Variants in ERC1 observed in about 807,000 individuals in gnomAD.
The protein encoded by ERC1 is ELKS/RAB6-interacting/CAST family member 1.
A neutral mutation model predicts 132.0 loss-of-function variants in ERC1; 56 were observed. That is an observed-to-expected ratio of 0.42 (90% CI 0.34 to 0.53). The LOEUF is 0.53. Ranked by LOEUF, ERC1 falls within the 20% of genes least tolerant of loss-of-function variation. ERC1 has a pLI of 0.03. For synonymous variants in ERC1, 478 were observed against 476.1 expected (o/e 1.00, Z -0.05); for missense variants, 1,202 against 1,349.9 (o/e 0.89, Z 1.72).
At chr12:1,167,003 G>A (rs1275128557) in intron 8 of ERC1, among the ~76,000 whole-genome samples, 1 of 152,192 alleles carries the variant, frequency 6.6e-6, no homozygotes, top group African/African-American at 2.4e-5. Flanking sequence ...TTGAGGATCT[G>A]TGCTTATCTG....
intron 3 of ERC1, among the ~76,000 whole-genome samples, chr12:1,101,135 A>T (rs1471064709): frequency 1.3e-5 from 2 of 152,128 alleles, no homozygotes; most frequent in Non-Finnish European, 2.9e-5. Context: ...TGATTATTTG[A>T]TTAAACTCTA....
chr12:1,277,972 T>C (rs541342806), intron 14 of ERC1, among the ~76,000 whole-genome samples: 2 of 152,352 alleles, frequency 1.3e-5, no homozygotes, highest in East Asian at 3.9e-4. Flanking sequence ...TAGGTTTCAC[T>C]GTAGACTCTC....
chr12:1,458,597 C>T (rs1308826419), intron 18 of ERC1, among the ~76,000 whole-genome samples: 6 of 150,472 alleles, frequency 4.0e-5, no homozygotes, highest in Admixed American at 1.3e-4. Flanking sequence ...TGCAATGGCA[C>T]GATCTTGGCT....
intron 1 of ERC1, among the ~76,000 whole-genome samples, chr12:999,130 G>A (rs1006393623): frequency 6.6e-6 from 1 of 152,132 alleles, no homozygotes; most frequent in African/African-American, 2.4e-5. Context: ...AAAGTGTTGG[G>A]ATTATAGGCG....
intron 1 of ERC1, chr12:998,353 T>C (rs1961387411): frequency 6.6e-6 from 1 of 152,212 alleles, no homozygotes; most frequent in Non-Finnish European, 1.5e-5. Context: ...TGGGTGCAGT[T>C]GGCACCTATG....
At chr12:995,517 T>C (rs958340358) in intron 1 of ERC1, among the ~76,000 whole-genome samples, 1 of 152,196 alleles carries the variant, frequency 6.6e-6, no homozygotes, top group Non-Finnish European at 1.5e-5. Context: ...TGGTAATTCA[T>C]GGAGCATGTT....
At chr12:1,416,240 T>C (rs73026492) in intron 17 of ERC1, among the ~76,000 whole-genome samples, 7,570 of 152,274 alleles carry the variant, frequency 0.05, 250 homozygotes, top group East Asian at 0.093. Flanking sequence ...GTTTCTGAGT[T>C]CACTGATAAA....
chr12:1,072,583 G>GTTTATA (rs75451389), intron 2 of ERC1, among the ~76,000 whole-genome samples: 34,381 of 151,902 alleles, frequency 0.23, 4,267 homozygotes, highest in Middle Eastern at 0.28. Context: ...GTGTACAAAT[G>GTTTATA]TTTATACTGC....
At chr12:1,232,088 C>T (rs150331299) in intron 12 of ERC1, among the ~76,000 whole-genome samples, 1 of 152,190 alleles carries the variant, frequency 6.6e-6, no homozygotes, top group East Asian at 1.9e-4. Flanking sequence ...TGTCTATTAG[C>T]ACTTTGACTA....
intron 8 of ERC1, among the ~76,000 whole-genome samples, chr12:1,175,326 A>T (rs1404213684): frequency 6.6e-6 from 1 of 152,178 alleles, no homozygotes; most frequent in African/African-American, 2.4e-5. Context: ...TTTTACCCAC[A>T]GTAGAATTTC....
chr12:1,401,261 G>A (rs1016314217), intron 16 of ERC1, among the ~76,000 whole-genome samples: 2 of 152,004 alleles, frequency 1.3e-5, no homozygotes, highest in Non-Finnish European at 2.9e-5. Flanking sequence ...AAAACACCAT[G>A]TGAATTTACA....
chr12:1,196,971 TATA>T (rs1270601378), intron 12 of ERC1, among the ~76,000 whole-genome samples: 7 of 76,410 alleles, frequency 9.2e-5, no homozygotes, highest in African/African-American at 1.7e-4. Context: ...CATATATATA[TATA>T]TATTTTTTTT....
intron 18 of ERC1, among the ~76,000 whole-genome samples, chr12:1,454,991 A>G (rs764382901): frequency 2.0e-5 from 3 of 152,198 alleles, no homozygotes; most frequent in Non-Finnish European, 4.4e-5. Context: ...AGCCTTCTTT[A>G]AAGGAAATAG....
At chr12:1,215,389 A>G (rs1354097804) in intron 12 of ERC1, among the ~76,000 whole-genome samples, 1 of 152,210 alleles carries the variant, frequency 6.6e-6, no homozygotes, top group Non-Finnish European at 1.5e-5. Context: ...GACAATAGTA[A>G]TAAGTACCAT....
At chr12:1,126,850 T>C (rs1361548943) in intron 7 of ERC1, among the ~76,000 whole-genome samples, 1 of 151,630 alleles carries the variant, frequency 6.6e-6, no homozygotes, top group East Asian at 1.9e-4. Context: ...TAGCTGGGCG[T>C]GGTGGCACGT....
chr12:1,052,442 A>G (rs1972183668), intron 2 of ERC1, among the ~76,000 whole-genome samples: 1 of 152,200 alleles, frequency 6.6e-6, no homozygotes, highest in Non-Finnish European at 1.5e-5. Context: ...GTGATAATAA[A>G]CCGCTGTGTT....
intron 15 of ERC1, among the ~76,000 whole-genome samples, chr12:1,313,306 C>T (rs2081445444): frequency 6.6e-6 from 1 of 152,076 alleles, no homozygotes; most frequent in Admixed American, 6.5e-5. Context: ...AACTTTGTAG[C>T]GTGCCCACCC....
intron 8 of ERC1, among the ~76,000 whole-genome samples, chr12:1,173,974 G>C (rs1953385380): frequency 2.0e-5 from 3 of 151,334 alleles, no homozygotes; most frequent in Admixed American, 2.0e-4. Context: ...GGATTCAGTG[G>C]GACTCACCTG....
intron 1 of ERC1, among the ~76,000 whole-genome samples, chr12:1,023,748 A>G (rs1230437349): frequency 6.6e-6 from 1 of 152,218 alleles, no homozygotes; most frequent in Non-Finnish European, 1.5e-5. Flanking sequence ...GGGTTAGAAG[A>G]AAAGAGCATA....
Sources: gnomAD v4.1 joint callset for allele counts (sites outside exome capture counted in the v4.1 genomes callset) on GRCh38, gnomAD v4.1.1 for gene constraint, MANE v1.5 for transcripts, NCBI Gene and HGNC (gene_info 2026-07-23, HGNC 2026-07-21) for gene names.